Variants in TRAPPC9 observed in about 807,000 individuals in gnomAD.
TRAPPC9 encodes IKK2 binding protein.
Under a neutral mutation model 124.0 loss-of-function variants are expected in TRAPPC9, and 83 were observed. The ratio of observed to expected loss-of-function variants is 0.67; its 90% CI spans 0.56 to 0.80. TRAPPC9 has a LOEUF of 0.80. Among genes scored for constraint, TRAPPC9 ranks in the 30% least tolerant of loss-of-function variants. TRAPPC9 has a pLI of 0.00. For missense variants in TRAPPC9, 1,302 were observed against 1,508.3 expected, an observed-to-expected ratio of 0.86 and a Z score of 2.27; for synonymous variants, 638 against 617.5, an observed-to-expected ratio of 1.03 and a Z score of -0.49.
chr8:140,282,015 C>T (rs958172744), intron 14 of TRAPPC9, among the ~76,000 whole-genome samples: 1 of 152,208 alleles, frequency 6.6e-6, no homozygotes, highest in Non-Finnish European at 1.5e-5. Flanking sequence ...CTCCACTTGA[C>T]AGAACTTCCC....
intron 7 of TRAPPC9, among the ~76,000 whole-genome samples, chr8:140,385,486 T>C (rs1490645393): frequency 6.6e-6 from 1 of 152,020 alleles, no homozygotes; most frequent in Non-Finnish European, 1.5e-5. Context: ...AAAGGGGATA[T>C]CACCACCAAT....
At chr8:139,975,870 T>C (rs1836410464) in intron 19 of TRAPPC9, among the ~76,000 whole-genome samples, 1 of 152,004 alleles carries the variant, frequency 6.6e-6, no homozygotes. Flanking sequence ...CCCTCATGTT[T>C]ATGGTCAACT....
chr8:140,262,357 C>T (rs1004897190), intron 15 of TRAPPC9, among the ~76,000 whole-genome samples: 1 of 150,948 alleles, frequency 6.6e-6, no homozygotes, highest in African/African-American at 2.5e-5. Context: ...CTTTATTTCC[C>T]ATCCATGCTC....
intron 18 of TRAPPC9, among the ~76,000 whole-genome samples, chr8:140,006,905 TTG>T (rs1264123045): frequency 1.3e-5 from 2 of 152,202 alleles, no homozygotes; most frequent in African/African-American, 2.4e-5. Flanking sequence ...AATCAGATTG[TTG>T]TGACGGCTAA....
chr8:140,419,738 T>C (rs905861023), intron 5 of TRAPPC9, among the ~76,000 whole-genome samples: 2 of 151,568 alleles, frequency 1.3e-5, no homozygotes, highest in African/African-American at 2.4e-5. Context: ...ACAAAAAAAT[T>C]AGCCGGGCGT....
chr8:140,305,130 G>A (rs1563931619), intron 10 of TRAPPC9, among the ~76,000 whole-genome samples: 1 of 152,102 alleles, frequency 6.6e-6, no homozygotes, highest in East Asian at 1.9e-4. Flanking sequence ...CTTGAGAGGG[G>A]GGCTCTTGTA....
chr8:140,017,069 G>A lies in TRAPPC9; in HGVS notation c.2699+6868C>T, dbSNP rs1230212023. On this transcript the variant is annotated intron_variant, in intron 18 of 22. Transcript: ENST00000438773. ...TGTTGAACACTTTTCGGAGATAACAGGTCATTTGAGAAATATCTGTTCAAA... is the reference window on the plus strand; with the variant it reads ...TGTTGAACACTTTTCGGAGATAACAAGTCATTTGAGAAATATCTGTTCAAA... Among the ~76,000 whole-genome samples the A allele has an allele frequency of 2.6e-5, 4 of 152,214 alleles. No individual in the cohort carries two copies. In the East Asian group the frequency reaches 5.8e-4, roughly 22 times the overall value.
At chr8:139,755,601 A>C (rs1200077850) in intron 21 of TRAPPC9, among the ~76,000 whole-genome samples, 26 of 121,770 alleles carry the variant, frequency 2.1e-4, no homozygotes, top group African/African-American at 8.8e-4. Context: ...AGGTCGCAGG[A>C]GGAGCCAGGG....
At chr8:139,971,583 C>A (rs536115016) in intron 19 of TRAPPC9, among the ~76,000 whole-genome samples, 1 of 152,092 alleles carries the variant, frequency 6.6e-6, no homozygotes, top group South Asian at 2.1e-4. Context: ...TCTATCCCCT[C>A]GAGCCCAGTG....
At chr8:140,161,961 G>C (rs2061758936) in intron 17 of TRAPPC9, among the ~76,000 whole-genome samples, 1 of 152,150 alleles carries the variant, frequency 6.6e-6, no homozygotes, top group Non-Finnish European at 1.5e-5. Context: ...CCAAGCCCGA[G>C]TGTCCGGCAG....
At chr8:140,439,308 T>G in intron 2 of TRAPPC9, 111 bp from the exon 3 acceptor site, 2 of 1,206,154 alleles carry the variant, frequency 1.7e-6, no homozygotes, top group South Asian at 2.6e-5. Context: ...AGAAGGCAAC[T>G]GTAGGCTCTA....
At chr8:140,350,249 T>TCCTGTATTCAGTG (rs1554672817) in intron 9 of TRAPPC9, among the ~76,000 whole-genome samples, 6 of 152,076 alleles carry the variant, frequency 3.9e-5, no homozygotes, top group African/African-American at 1.5e-4. Context: ...ATTTTTGGTC[T>TCCTGTATTCAGTG]CCTGTATTCA....
chr8:139,816,034 G>A lies in TRAPPC9; in HGVS notation c.3055+69845C>T, dbSNP rs144169971. On this transcript the variant is annotated intron_variant, in intron 21 of 22. Transcript: ENST00000438773. ...TGGATTCCCGAGCCTGGATAAAACT[G>A]GCTTAACCACTGGAGAAACTGGCAA... Among the ~76,000 whole-genome samples, 872 of 152,322 alleles carry A rather than the reference G, an allele frequency of 5.7e-3. 7 individuals carry two copies. Among genetic ancestry groups the A allele is most frequent in the African/African-American group, 0.02 (814 of 41,580 alleles).
chr8:139,835,632 C>G (rs929706210), intron 21 of TRAPPC9, among the ~76,000 whole-genome samples: 1 of 152,242 alleles, frequency 6.6e-6, no homozygotes, highest in Non-Finnish European at 1.5e-5. Context: ...TCCCAAAGGA[C>G]AGCAGACAAG....
intron 19 of TRAPPC9, among the ~76,000 whole-genome samples, chr8:139,964,492 C>A (rs538020609): frequency 6.6e-6 from 1 of 152,116 alleles, no homozygotes; most frequent in Non-Finnish European, 1.5e-5. Context: ...AAGTTCTACT[C>A]GAGGCTCTTC....
intron 17 of TRAPPC9, among the ~76,000 whole-genome samples, chr8:140,088,990 G>A (rs1017423259): frequency 1.3e-5 from 2 of 152,146 alleles, no homozygotes; most frequent in African/African-American, 2.4e-5. Context: ...GGGTAGTAAG[G>A]TTTGGGAAGC....
rs952594130 is a variant in TRAPPC9, at chr8:140,097,098, G to C, written c.2557-73019C>G. 6.6e-6 allele frequency: 1 copy of C among 152,402 alleles called. No homozygotes were observed. The highest frequency in any genetic ancestry group is 1.5e-5 in the Non-Finnish European group (1 of 68,164). 9.4% of individuals were successfully genotyped at this position (152,402 alleles called of 1,614,324 possible). On this transcript the variant is annotated intron_variant, in intron 17 of 22. Coordinates refer to ENST00000438773, the MANE Select transcript of TRAPPC9 (RefSeq NM_001160372.4). The surrounding 1 kb of genome is among the most constrained non-coding windows in gnomAD (Gnocchi z 4.2). ...AGGTTGCAGGTGGAGCTGTGTTGCA[G>C]TCAGAAGGGGAGGGACCTCCTCTAC...
intron 17 of TRAPPC9, chr8:140,100,248 G>A: frequency 6.6e-6 from 1 of 151,458 alleles, no homozygotes; most frequent in Non-Finnish European, 1.5e-5. Flanking sequence ...CTTCCGCAGG[G>A]GAGATACGCA....
At position 139,937,410 on chromosome 8, in the gene TRAPPC9, CAT is replaced by C. The variant is rs1484723815; in HGVS notation, c.2811-27112_2811-27111del. 3.3e-5 allele frequency among the ~76,000 whole-genome samples: 5 copies of C among 152,258 alleles called. No individual in the cohort carries two copies. In the East Asian group the frequency reaches 5.8e-4, roughly 18 times the overall value. On this transcript the variant is annotated intron_variant, in intron 19 of 22. Transcript: ENST00000438773. ...TTTTCCTTCTTTTCTAAAATGAACACATGTTATTTTTGTGGGTTGGGCTGACA... is the reference window on the plus strand; with the variant it reads ...TTTTCCTTCTTTTCTAAAATGAACACGTTATTTTTGTGGGTTGGGCTGACA...
Sources: gnomAD v4.1 joint callset for allele counts (sites outside exome capture counted in the v4.1 genomes callset) on GRCh38, gnomAD v4.1.1 for gene constraint, Gnocchi (gnomAD v3.1) non-coding constraint, MANE v1.5 for transcripts, NCBI Gene and HGNC (gene_info 2026-07-23, HGNC 2026-07-21) for gene names.